PPP4R4: variants seen among roughly 807,000 people sequenced by gnomAD.
PPP4R4 encodes the protein serine/threonine-protein phosphatase 4 regulatory subunit 4.
A neutral mutation model predicts 121.8 loss-of-function variants in PPP4R4; 70 were observed. The ratio of observed to expected loss-of-function variants is 0.57; its 90% confidence interval spans 0.47 to 0.70. PPP4R4 has a LOEUF of 0.70. Among genes scored for constraint, PPP4R4 ranks in the 30% least tolerant of loss-of-function variants. The pLI is 0.00. For synonymous variants in PPP4R4, 348 were observed against 355.7 expected (o/e 0.98, Z 0.24); for missense variants, 875 against 1,033.6 (o/e 0.85, Z 2.10).
chr14:94,234,749 C>G (rs1892236830), intron 7 of PPP4R4, 80 bp downstream of exon 7: 3 of 988,870 alleles, frequency 3.0e-6, no homozygotes, highest in Non-Finnish European at 4.8e-6. Flanking sequence ...TAAAAATGAT[C>G]ATAACAAGTA....
At position 94,271,192 on chromosome 14, in the gene PPP4R4, A is replaced by C. The variant is rs540146610; in HGVS notation, c.2449+4163A>C. Among the ~76,000 whole-genome samples the C allele has an allele frequency of 2.0e-5, 3 of 152,318 alleles. No individual in the cohort carries two copies. The South Asian group carries it at 6.2e-4, about 32-fold the overall frequency. On this transcript the variant is annotated intron_variant, in intron 23 of 24. Coordinates refer to ENST00000304338, the MANE Select transcript of PPP4R4 (RefSeq NM_058237.2). ...TCATTCTGTGAGGTCAGCATTACCC[A>C]ACTACCAAAGTCATTCCAAGAAAAG...
In PPP4R4 at chr14:94,278,991, G is replaced by A. The variant is rs1404274810; in HGVS notation, c.*348G>A. The A allele has an allele frequency of 6.2e-6, 1 of 162,154 alleles. No individual in the cohort carries two copies. The highest frequency in any genetic ancestry group is 6.4e-5 in the Admixed American group (1 of 15,562). 10.0% of individuals were successfully genotyped at this position (162,154 alleles called of 1,614,324 possible). ...TGTGCAGGAAACCAGCCATTTAATT[G>A]TTCTAGAGTTTTAGCATTTAAAAAT... On this transcript the variant is annotated 3_prime_UTR_variant, in exon 25 of 25. Coordinates refer to ENST00000304338, the MANE Select transcript of PPP4R4 (RefSeq NM_058237.2).
intron 3 of PPP4R4, among the ~76,000 whole-genome samples, chr14:94,226,001 GTTCT>G (rs1403838569): frequency 2.0e-5 from 3 of 152,034 alleles, no homozygotes; most frequent in Admixed American, 6.6e-5. Flanking sequence ...AGAAGGAATG[GTTCT>G]TTATCATTCA....
chr14:94,217,162 T>A (rs1880149420), intron 3 of PPP4R4, among the ~76,000 whole-genome samples: 3 of 152,056 alleles, frequency 2.0e-5, no homozygotes, highest in African/African-American at 7.2e-5. Context: ...CAAGCAACAG[T>A]TGTCTACTAC....
In PPP4R4 at chr14:94,245,570, A is replaced by C. The variant is rs753170163; in HGVS notation, c.1345-17A>C. 3.6e-6 allele frequency: 5 copies of C among 1,378,540 alleles called. No individual in the cohort carries two copies. In the South Asian group the frequency reaches 3.9e-5, roughly 11 times the overall value. 85.4% of individuals were successfully genotyped at this position (1,378,540 alleles called of 1,614,324 possible). ...CATAGTAATCACTATAACAGTAATC[A>C]ATATCTCTGTTAAAAGGTACTAGAT... On this transcript the variant is annotated splice_polypyrimidine_tract_variant and intron_variant, in intron 12 of 24. Coordinates refer to ENST00000304338, the MANE Select transcript of PPP4R4 (RefSeq NM_058237.2).
chr14:94,196,309 G>GT (rs5810663), intron 2 of PPP4R4, among the ~76,000 whole-genome samples: 36,604 of 88,906 alleles, frequency 0.41, 9,575 homozygotes, highest in Non-Finnish European at 0.53. Context: ...TCTTTCAAAG[G>GT]TTTTTTTTTT....
At chr14:94,216,061 T>C (rs1891002177) in intron 3 of PPP4R4, among the ~76,000 whole-genome samples, 1 of 152,204 alleles carries the variant, frequency 6.6e-6, no homozygotes, top group African/African-American at 2.4e-5. Flanking sequence ...TTTTACCCTA[T>C]CTGCAATAAA....
At chr14:94,174,623 C>T in intron 1 of PPP4R4, 41 bp downstream of exon 1, 1 of 1,601,170 alleles carries the variant, frequency 6.2e-7, no homozygotes, top group Non-Finnish European at 8.5e-7. Context: ...GGCGTCCGGC[C>T]GCCTGCCCCG....
chr14:94,248,097 C>T (rs1252370050), intron 14 of PPP4R4, among the ~76,000 whole-genome samples: 1 of 152,030 alleles, frequency 6.6e-6, no homozygotes, highest in Non-Finnish European at 1.5e-5. Flanking sequence ...TGAAGGCATC[C>T]AAATAGGAAA....
At chr14:94,258,051 G>A (rs1035127484) in intron 17 of PPP4R4, among the ~76,000 whole-genome samples, 1 of 152,072 alleles carries the variant, frequency 6.6e-6, no homozygotes, top group Admixed American at 6.5e-5. Flanking sequence ...AATATGAGAA[G>A]TAACTTTATT....
chr14:94,248,445 G>T (rs1893007932), intron 14 of PPP4R4, among the ~76,000 whole-genome samples: 1 of 152,142 alleles, frequency 6.6e-6, no homozygotes, highest in South Asian at 2.1e-4. Context: ...CTTACTCATG[G>T]ATTAGAAGAA....
At chr14:94,231,179 C>A in intron 4 of PPP4R4, 63 bp from the exon 5 acceptor site, 1 of 1,284,378 alleles carries the variant, frequency 7.8e-7, no homozygotes, top group Non-Finnish European at 1.1e-6. Flanking sequence ...CTATTAATGG[C>A]TGAGTTGAAA....
intron 2 of PPP4R4, among the ~76,000 whole-genome samples, chr14:94,198,129 A>T (rs1889982042): frequency 6.6e-6 from 1 of 152,120 alleles, no homozygotes; most frequent in South Asian, 2.1e-4. Context: ...TTCCAAAATG[A>T]TCGTATTATT....
At chr14:94,235,388 C>CTTTT (rs34881107) in intron 7 of PPP4R4, among the ~76,000 whole-genome samples, 11 of 50,808 alleles carry the variant, frequency 2.2e-4, no homozygotes, top group African/African-American at 2.8e-4. Flanking sequence ...TCTCCTTGTT[C>CTTTT]TTTTTTTTTT....
chr14:94,210,150 C>G (rs759105469), intron 3 of PPP4R4, among the ~76,000 whole-genome samples: 4 of 151,052 alleles, frequency 2.6e-5, no homozygotes, highest in Non-Finnish European at 4.4e-5. Context: ...TTCTATAACT[C>G]AGGCATACCT....
At chr14:94,266,815 A>T (rs1464171789) in intron 22 of PPP4R4, 144 bp from the exon 23 acceptor site, 6 of 571,414 alleles carry the variant, frequency 1.1e-5, no homozygotes, top group African/African-American at 5.9e-5. Context: ...GCATGAATAT[A>T]AAAAAAATGA....
At chr14:94,260,721 C>A (rs1370090686) in intron 19 of PPP4R4, among the ~76,000 whole-genome samples, 2 of 152,004 alleles carry the variant, frequency 1.3e-5, no homozygotes, top group Non-Finnish European at 2.9e-5. Flanking sequence ...AATACAATTT[C>A]TTTCACAGAT....
intron 2 of PPP4R4, among the ~76,000 whole-genome samples, chr14:94,193,173 A>G (rs1329451622): frequency 6.6e-6 from 1 of 151,872 alleles, no homozygotes; most frequent in East Asian, 1.9e-4. Context: ...TTTTTTAACC[A>G]TATGTTTTTT....
At chr14:94,191,698 G>A (rs1007928919) in intron 2 of PPP4R4, among the ~76,000 whole-genome samples, 2 of 152,090 alleles carry the variant, frequency 1.3e-5, no homozygotes, top group Non-Finnish European at 1.5e-5. Flanking sequence ...TTATCTCTTC[G>A]CAAGGAACAT....
Sources: allele counts gnomAD v4.1 joint callset (sites outside exome capture counted in the v4.1 genomes callset), GRCh38; gene constraint gnomAD v4.1.1; transcripts MANE v1.5; gene names NCBI Gene and HGNC (gene_info 2026-07-23, HGNC 2026-07-21).